SEMA4D: variants seen among roughly 807,000 people sequenced by gnomAD.
SEMA4D encodes semaphorin 4D, also known as semaphorin-4D.
A neutral mutation model predicts 74.8 loss-of-function variants in SEMA4D; 22 were observed. That is an observed-to-expected ratio of 0.29 (90% CI 0.21 to 0.42). The LOEUF (loss-of-function observed/expected upper bound fraction) is 0.42, where lower values mean the gene tolerates loss of function less well. Ranked by LOEUF, SEMA4D falls within the 10% of genes least tolerant of loss-of-function variation. The pLI is 1.00. For missense variants in SEMA4D, 937 were observed against 1,118.4 expected (o/e 0.84, Z 2.31); for synonymous variants, 445 against 463.7 (o/e 0.96, Z 0.52).
chr9:89,434,410 G>A (rs1383633097), intron 2 of SEMA4D, among the ~76,000 whole-genome samples: 1 of 152,166 alleles, frequency 6.6e-6, no homozygotes, highest in East Asian at 1.9e-4. Context: ...GCTTCTTTGG[G>A]TTTTCACTTT....
At chr9:89,364,932 G>T (rs1235177502) in intron 16 of SEMA4D, 1 of 102,582 alleles carries the variant, frequency 9.7e-6, no homozygotes, top group Non-Finnish European at 1.9e-5. Context: ...GTGAAAACCA[G>T]AATGTTGGGG....
chr9:89,449,883 G>T, intron 2 of SEMA4D: 1 of 1,480,278 alleles, frequency 6.8e-7, no homozygotes, highest in South Asian at 1.1e-5. Flanking sequence ...GGTAAAAATT[G>T]ACCTTGGGGT....
rs576322715 is a variant in SEMA4D, at chr9:89,479,624, C to T, written c.-310+18295G>A. 9 of 166,468 alleles carry T rather than the reference C, an allele frequency of 5.4e-5. No homozygotes were observed. The South Asian group carries it at 6.9e-4, about 13-fold the overall frequency. 10.3% of individuals were successfully genotyped at this position (166,468 alleles called of 1,614,324 possible). A position where few individuals can be genotyped will look rare whatever the true frequency, so the allele number is the denominator to read the frequency against. ...TGATGTTCAGATGTGTTCAGAGTTT[C>T]TTCCTTCTGGTGGGTTCGTGGTCTC... On this transcript the variant is annotated intron_variant, in intron 1 of 15. Coordinates refer to ENST00000422704, the MANE Select transcript of SEMA4D (RefSeq NM_001371194.2).
At chr9:89,407,046 T>A (rs1163815407) in intron 2 of SEMA4D, among the ~76,000 whole-genome samples, 1 of 134,662 alleles carries the variant, frequency 7.4e-6, no homozygotes, top group African/African-American at 2.7e-5. Flanking sequence ...TCCACCACCA[T>A]CACTCATCTG....
chr9:89,473,140 G>GT lies in SEMA4D; in HGVS notation c.-309-17188dup, dbSNP rs1001791833. On this transcript the variant is annotated intron_variant, in intron 1 of 15. Coordinates refer to ENST00000422704, the MANE Select transcript of SEMA4D (RefSeq NM_001371194.2). ...CTCATTCAACTTATCTTAAGATACT[G>GT]TAAGATATCTGCCACTTTTCCTAAG... Among the ~76,000 whole-genome samples the GT allele has an allele frequency of 2.0e-5, 3 of 152,156 alleles. 1 individual carries two copies. Among genetic ancestry groups the GT allele is most frequent in the Admixed American group, 2.0e-4 (3 of 15,276 alleles).
At position 89,364,461 on chromosome 9, in the gene SEMA4D, T is replaced by A. The variant is rs889379619; in HGVS notation, c.1883-511A>T. Reference sequence around the variant, plus strand: ...GGGCCTGTCTCTCCAATTGAGACACTGGGGTGGGCTTGGAGGGGAGTAGAT... The same window carrying A: ...GGGCCTGTCTCTCCAATTGAGACACAGGGGTGGGCTTGGAGGGGAGTAGAT... On this transcript the variant is annotated intron_variant, in intron 16 of 18. Coordinates refer to the SEMA4D transcript ENST00000339861. The A allele has an allele frequency of 3.4e-5, 7 of 207,910 alleles. No homozygotes were observed. The East Asian group carries it at 7.5e-4, about 22-fold the overall frequency. 12.9% of individuals were successfully genotyped at this position (207,910 alleles called of 1,614,324 possible).
At chr9:89,485,629 A>G (rs190721744) in intron 1 of SEMA4D, among the ~76,000 whole-genome samples, 276 of 152,056 alleles carry the variant, frequency 1.8e-3, no homozygotes, top group African/African-American at 6.2e-3. Context: ...TCTCTACTAA[A>G]AATACAAAAT....
chr9:89,459,241 T>C (rs915159470), intron 1 of SEMA4D, among the ~76,000 whole-genome samples: 1 of 148,164 alleles, frequency 6.7e-6, no homozygotes, highest in African/African-American at 2.4e-5. Flanking sequence ...CCCAGTCCGG[T>C]AGTGCTCTGG....
chr9:89,481,376 GC>G (rs1824660778), intron 1 of SEMA4D, among the ~76,000 whole-genome samples: 1 of 152,200 alleles, frequency 6.6e-6, no homozygotes, highest in East Asian at 1.9e-4. Context: ...GAAACAGGGT[GC>G]CACGTGGGAG....
At chr9:89,390,586 T>A (rs910171518) in intron 9 of SEMA4D, among the ~76,000 whole-genome samples, 3 of 152,202 alleles carry the variant, frequency 2.0e-5, no homozygotes, top group Non-Finnish European at 4.4e-5. Flanking sequence ...CATGACTACA[T>A]GAGAAAGGGC....
At chr9:89,376,371 A>ATT (rs111835397), downstream of SEMA4D, 279 of 146,844 alleles carry the variant, frequency 1.9e-3, 2 homozygotes, top group African/African-American at 6.5e-3. Flanking sequence ...GTCTCTTGAA[A>ATT]TTTTTTTTTT....
intron 1 of SEMA4D, among the ~76,000 whole-genome samples, chr9:89,470,550 C>T (rs1859907847): frequency 6.6e-6 from 1 of 152,180 alleles, no homozygotes; most frequent in Admixed American, 6.5e-5. Flanking sequence ...CTAGAAAAGA[C>T]TTGGGCAGTT....
intron 2 of SEMA4D, among the ~76,000 whole-genome samples, chr9:89,434,928 A>G (rs1041470296): frequency 2.6e-5 from 4 of 152,198 alleles, no homozygotes; most frequent in African/African-American, 9.6e-5. Context: ...TGTGGGCAAT[A>G]GTTCTTGATT....
intron 2 of SEMA4D, chr9:89,450,594 G>A: frequency 1.2e-6 from 1 of 812,712 alleles, no homozygotes; most frequent in Non-Finnish European, 2.0e-6. Context: ...CTATAAGTCT[G>A]AGATGAAGGT....
intron 3 of SEMA4D, among the ~76,000 whole-genome samples, chr9:89,404,163 A>G (rs148376465): frequency 1.8e-4 from 27 of 151,798 alleles, no homozygotes; most frequent in African/African-American, 5.6e-4. Flanking sequence ...AGAAATAACT[A>G]AAAAAAAACT....
intron 2 of SEMA4D, among the ~76,000 whole-genome samples, chr9:89,445,971 A>G (rs1452119122): frequency 2.0e-5 from 3 of 152,074 alleles, no homozygotes; most frequent in African/African-American, 7.2e-5. Flanking sequence ...CGAGACCCTC[A>G]TGTCCCGGAC....
intron 16 of SEMA4D, among the ~76,000 whole-genome samples, chr9:89,371,734 T>C (rs1363712180): frequency 1.4e-5 from 1 of 73,206 alleles, no homozygotes; most frequent in Non-Finnish European, 2.5e-5. Flanking sequence ...GTGTCTGGGG[T>C]GTGGTGTGTG....
At chr9:89,468,613 CAT>C (rs554886458) in intron 1 of SEMA4D, among the ~76,000 whole-genome samples, 112 of 152,276 alleles carry the variant, frequency 7.4e-4, no homozygotes, top group African/African-American at 2.5e-3. Flanking sequence ...ATAAACAAAA[CAT>C]AAATAAATCA....
chr9:89,362,918 C>T (rs1346237863), intron 18 of SEMA4D, among the ~76,000 whole-genome samples: 2 of 152,132 alleles, frequency 1.3e-5, no homozygotes. Flanking sequence ...GACAGGGAGC[C>T]TCTAGGGAGC....
Sources: allele counts gnomAD v4.1 joint callset (sites outside exome capture counted in the v4.1 genomes callset), GRCh38; gene constraint gnomAD v4.1.1; transcripts MANE v1.5; gene names NCBI Gene and HGNC (gene_info 2026-07-23, HGNC 2026-07-21).